TPRG1: variants seen among roughly 807,000 people sequenced by gnomAD.
TPRG1 encodes tumor protein p63-regulated gene 1 protein.
A neutral mutation model predicts 29.3 loss-of-function variants in TPRG1; 29 were observed. That is an observed-to-expected ratio of 0.99 (90% confidence interval 0.74 to 1.35). TPRG1 has a LOEUF of 1.35. TPRG1 is among the 40% of genes most tolerant of loss of function. The pLI is 0.00. For synonymous variants in TPRG1, 130 were observed against 116.8 expected (o/e 1.11, Z -0.73); for missense variants, 327 against 335.0 (o/e 0.98, Z 0.19).
rs147044347 is a variant in TPRG1, at chr3:189,043,273, A to G, written c.-463+19327A>G. Among the ~76,000 whole-genome samples, 1,359 of 152,306 alleles carry G rather than the reference A, an allele frequency of 8.9e-3. 8 individuals carry two copies. The highest frequency in any genetic ancestry group is 0.014 in the Non-Finnish European group (931 of 68,014). ...ATTCTTTCTTTGGGGAAACAACATGATGGGGATACAGATTAAAGAGTACGG... is the reference window on the plus strand; with the variant it reads ...ATTCTTTCTTTGGGGAAACAACATGGTGGGGATACAGATTAAAGAGTACGG... On this transcript the variant is annotated intron_variant, in intron 4 of 10. Transcript: ENST00000433971.
intron 4 of TPRG1, among the ~76,000 whole-genome samples, chr3:189,261,529 C>T (rs1379545117): frequency 6.6e-6 from 1 of 152,126 alleles, no homozygotes; most frequent in Non-Finnish European, 1.5e-5. Context: ...AATTTGATTA[C>T]ATTCAGAAAG....
At chr3:189,215,766 T>A (rs554400799) in intron 3 of TPRG1, among the ~76,000 whole-genome samples, 22 of 152,320 alleles carry the variant, frequency 1.4e-4, no homozygotes, top group African/African-American at 5.1e-4. Flanking sequence ...AAAGAAAGTC[T>A]GGGAAAGAAT....
rs773510018 is a variant in TPRG1, at chr3:189,078,008, TTTCCTTCCTTCCTTCC to T, written c.-462-49010_-462-48995del. On this transcript the variant is annotated intron_variant, in intron 4 of 10. Coordinates refer to the TPRG1 transcript ENST00000433971. ...TCATTAATATTTCTCCTAAAAACCT[TTTCCTTCCTTCCTTCC>T]TTCCTTCCTTCCTTCCTTCCTTCCT... 3.9e-4 allele frequency among the ~76,000 whole-genome samples: 39 copies of T among 98,880 alleles called. 2 individuals carry two copies. The highest frequency in any genetic ancestry group is 1.0e-3 in the East Asian group (3 of 2,948). The allele number at this position is 98,880 out of a possible 152,430, so 64.9% of individuals were successfully genotyped here.
chr3:189,315,647 G>A (rs753418702), intron 5 of TPRG1: 7 of 345,110 alleles, frequency 2.0e-5, no homozygotes, highest in African/African-American at 4.4e-5. Flanking sequence ...AGGGGATCAT[G>A]TAAATGAACC....
intron 4 of TPRG1, among the ~76,000 whole-genome samples, chr3:189,304,105 G>A (rs1721252525): frequency 7.1e-6 from 1 of 140,678 alleles, no homozygotes; most frequent in African/African-American, 2.7e-5. Flanking sequence ...TTATCCCTTG[G>A]GTTAACTCTT....
chr3:189,151,557 A>C (rs1055346502), intron 5 of TPRG1, among the ~76,000 whole-genome samples: 16 of 152,100 alleles, frequency 1.1e-4, no homozygotes, highest in Middle Eastern at 3.2e-3. Flanking sequence ...TTAAGCACAA[A>C]GTAATACCTT....
rs537589924 is a variant in TPRG1 at position 189,279,617 on chromosome 3, T to C, written c.480-30769T>C. On this transcript the variant is annotated intron_variant, in intron 4 of 5. Transcript: ENST00000345063. The stretch of plus-strand genomic sequence containing the variant: ...GTTGTGAGGATTAAATTAGATGATG[T>C]ATATAAAGTATTTAGAACAATGCTG... Among the ~76,000 whole-genome samples the C allele has an allele frequency of 7.9e-5, 12 of 152,332 alleles. No homozygotes were observed. In the East Asian group the frequency reaches 2.3e-3, roughly 29 times the overall value.
intron 5 of TPRG1, among the ~76,000 whole-genome samples, chr3:189,159,834 TTGTGTA>T (rs927625769): frequency 1.0e-4 from 10 of 95,428 alleles, no homozygotes; most frequent in South Asian, 5.3e-4. Context: ...CATGGAGTGT[TTGTGTA>T]TGTGTGTGTG....
chr3:189,222,481 G>C (rs1365385161), intron 3 of TPRG1, among the ~76,000 whole-genome samples: 1 of 152,082 alleles, frequency 6.6e-6, no homozygotes, highest in African/African-American at 2.4e-5. Flanking sequence ...ATCTAGTCTA[G>C]ACCCCTGGTA....
At chr3:189,072,018 C>T (rs1266843351) in intron 4 of TPRG1, among the ~76,000 whole-genome samples, 3 of 152,146 alleles carry the variant, frequency 2.0e-5, no homozygotes, top group Non-Finnish European at 4.4e-5. Flanking sequence ...AAGTAGTAAT[C>T]AGGGAATGTG....
chr3:189,164,830 C>G (rs910080221), intron 5 of TPRG1, among the ~76,000 whole-genome samples: 4 of 152,066 alleles, frequency 2.6e-5, no homozygotes, highest in African/African-American at 9.7e-5. Context: ...CAGGTTCCCT[C>G]CACAGCTCCC....
chr3:189,038,302 C>G (rs947844383), intron 4 of TPRG1, among the ~76,000 whole-genome samples: 1 of 151,850 alleles, frequency 6.6e-6, no homozygotes, highest in African/African-American at 2.4e-5. Flanking sequence ...GCCTATTGGC[C>G]TAGCAAAATT....
intron 1 of TPRG1, among the ~76,000 whole-genome samples, chr3:189,117,788 T>C (rs1721357275): frequency 6.6e-6 from 1 of 152,232 alleles, no homozygotes; most frequent in Non-Finnish European, 1.5e-5. Context: ...TCTGCCATGT[T>C]TGTAAGTTTC....
intron 1 of TPRG1, among the ~76,000 whole-genome samples, chr3:189,101,519 C>T (rs572210460): frequency 2.6e-4 from 39 of 152,176 alleles, no homozygotes; most frequent in Non-Finnish European, 4.7e-4. Flanking sequence ...TTTCTCTCCA[C>T]AGTCATTGAA....
At chr3:189,142,263 G>A (rs1724674894) in intron 3 of TPRG1, among the ~76,000 whole-genome samples, 1 of 152,112 alleles carries the variant, frequency 6.6e-6, no homozygotes, top group African/African-American at 2.4e-5. Flanking sequence ...GGAGAGGAAA[G>A]CTGGGCCAGG....
rs1433721925 is a variant in TPRG1 at position 189,049,950 on chromosome 3, C to T, written c.-463+26004C>T. Among the ~76,000 whole-genome samples, 7 of 152,070 alleles carry T rather than the reference C, an allele frequency of 4.6e-5. No individual in the cohort carries two copies. The East Asian group carries it at 9.6e-4, about 21-fold the overall frequency. On this transcript the variant is annotated intron_variant, in intron 4 of 10. Transcript: ENST00000433971. ...CAAATTTGGTGCTAAAAGGAAAGTT[C>T]GTAGCCCTAAACACCTACATCAAAA...
At chr3:189,074,945 G>C (rs558296260) in intron 4 of TPRG1, among the ~76,000 whole-genome samples, 25 of 151,694 alleles carry the variant, frequency 1.6e-4, no homozygotes, top group African/African-American at 4.6e-4. Flanking sequence ...CCGAGTAGCT[G>C]GGACTACAGG....
intron 3 of TPRG1, among the ~76,000 whole-genome samples, chr3:189,018,004 GT>G (rs1713047441): frequency 6.6e-6 from 1 of 151,012 alleles, no homozygotes; most frequent in African/African-American, 2.4e-5. Flanking sequence ...TTTTTCATGT[GT>G]TTTTTGGCTG....
chr3:189,187,233 C>T (rs1731056067), intron 1 of TPRG1, among the ~76,000 whole-genome samples: 1 of 152,000 alleles, frequency 6.6e-6, no homozygotes, highest in African/African-American at 2.4e-5. Flanking sequence ...AGCGAGCCTC[C>T]TATCTCAGCC....
Sources: gnomAD v4.1 joint callset for allele counts (sites outside exome capture counted in the v4.1 genomes callset) on GRCh38, gnomAD v4.1.1 for gene constraint, MANE v1.5 for transcripts, NCBI Gene and HGNC (gene_info 2026-07-23, HGNC 2026-07-21) for gene names.